ATM: variants seen among roughly 807,000 people sequenced by gnomAD.
The protein encoded by ATM is serine-protein kinase ATM.
Under a neutral mutation model 387.0 loss-of-function variants are expected in ATM, and 308 were observed. The observed-to-expected ratio is 0.80, with a 90% CI of 0.73 to 0.87. The LOEUF (loss-of-function observed/expected upper bound fraction) is 0.87. Ranked by LOEUF, ATM falls within the 40% of genes least tolerant of loss-of-function variation. ATM has a pLI of 0.00. For missense variants in ATM, 3,312 were observed against 3,560.9 expected (o/e 0.93, Z 1.78); for synonymous variants, 1,156 against 1,187.3 (o/e 0.97, Z 0.54).
chr11:108,233,406 C>CA (rs1252275098), intron 4 of ATM, among the ~76,000 whole-genome samples: 1 of 151,612 alleles, frequency 6.6e-6, no homozygotes, highest in Non-Finnish European at 1.5e-5. Context: ...CTCATCTCTA[C>CA]AAAAACACAA....
chr11:108,331,864 G>C lies in ATM; in HGVS notation c.7630-15G>C, dbSNP rs773603597. 2.5e-6 allele frequency: 4 copies of C among 1,612,098 alleles called. No homozygotes were observed. The highest frequency in any genetic ancestry group is 3.4e-6 in the Non-Finnish European group (4 of 1,178,512). ...TTTGTTTATTTGCATAAATCTAATA[G>C]TTCTTTTCTTACAGCTAATCTCTAG... On this transcript the variant is annotated splice_polypyrimidine_tract_variant and intron_variant, in intron 51 of 62. Coordinates refer to ENST00000675843, the MANE Select transcript of ATM (RefSeq NM_000051.4).
Position 108,251,993 on chromosome 11 carries a change from C to T in ATM, c.1764C>T (p.Asp588=). The change falls in exon 11 of 63, where the codon GAC becomes GAT. Residue 588 remains aspartate, a synonymous_variant. Transcript: ENST00000675843. ...KWLLFYQLEG[D]LENSTEVPPI... is the part of the protein sequence containing the mutation. ...TCTTATTCTATCAGTTAGAGGGTGACTTAGAAAATAGCACAGAAGTGCCTC... is the reference window on the plus strand; with the variant it reads ...TCTTATTCTATCAGTTAGAGGGTGATTTAGAAAATAGCACAGAAGTGCCTC... 1 of 1,613,376 alleles carries T rather than the reference C, an allele frequency of 6.2e-7. No homozygotes were observed. Among genetic ancestry groups the T allele is most frequent in the South Asian group, 1.1e-5 (1 of 91,018 alleles).
At chr11:108,327,492 A>G in intron 47 of ATM, 153 bp from the exon 48 acceptor site, 1 of 619,398 alleles carries the variant, frequency 1.6e-6, no homozygotes, top group Non-Finnish European at 2.9e-6. Flanking sequence ...TTATTAAAAT[A>G]GTTGTATGGC....
At chr11:108,364,681 C>T (rs1235402166) in intron 61 of ATM, among the ~76,000 whole-genome samples, 2 of 152,192 alleles carry the variant, frequency 1.3e-5, no homozygotes, top group African/African-American at 4.8e-5. Flanking sequence ...CTTGCTGGTG[C>T]TCTCCAGTTC....
At chr11:108,227,345 G>A in intron 1 of ATM, 1 of 386,102 alleles carries the variant, frequency 2.6e-6, no homozygotes, top group Non-Finnish European at 4.7e-6. Flanking sequence ...TGCTACTACT[G>A]CAAGCAAGGC....
intron 6 of ATM, 96 bp from the exon 7 acceptor site, chr11:108,244,692 G>GTTTTTTTTTTTTTTTTTTTTTTT: frequency 1.0e-6 from 1 of 956,006 alleles, no homozygotes; most frequent in Non-Finnish European, 1.6e-6. Context: ...TTAGGGTTTT[G>GTTTTTTTTTTTTTTTTTTTTTTT]TTTTTTTTTC....
At chr11:108,351,518 G>A (rs925976812) in intron 59 of ATM, among the ~76,000 whole-genome samples, 5 of 152,190 alleles carry the variant, frequency 3.3e-5, no homozygotes, top group African/African-American at 1.2e-4. Flanking sequence ...GATCTCTCAT[G>A]CAGCTGCAGT....
intron 26 of ATM, among the ~76,000 whole-genome samples, chr11:108,285,249 C>T (rs1009553298): frequency 6.6e-6 from 1 of 152,034 alleles, no homozygotes; most frequent in Non-Finnish European, 1.5e-5. Flanking sequence ...TGTAAGCCAC[C>T]TTGCCAGACC....
In ATM at chr11:108,272,754, T is replaced by C; in HGVS notation, c.3186T>C (p.Asn1062=). The C allele has an allele frequency of 6.2e-7, 1 of 1,614,076 alleles. No individual in the cohort carries two copies. The highest frequency in any genetic ancestry group is 1.1e-5 in the South Asian group (1 of 91,078). The change falls in exon 22 of 63, where the codon AAT becomes AAC. Residue 1062 remains asparagine (N), a synonymous_variant. Coordinates refer to ENST00000675843, the MANE Select transcript of ATM (RefSeq NM_000051.4). ...ADPYSKWAIL[N]VMGKDFPVNE... ...CTTATTCAAAATGGGCCATTCTTAA[T>C]GTAATGGGAAAAGACTTTCCTGTAA...
rs571626831 is a variant in ATM, at chr11:108,267,420, C to T, written c.2638+78C>T. The T allele has an allele frequency of 4.4e-4, 575 of 1,306,118 alleles. 6 individuals are homozygous for T. The East Asian group carries it at 0.012, about 28-fold the overall frequency. 80.9% of individuals were successfully genotyped at this position (1,306,118 alleles called of 1,614,324 possible). ...GCAGTATAAGAGGCCTCATTGATATCAATTTTGTGCTTATTTCATTTTCTC... is the reference window on the plus strand; with the variant it reads ...GCAGTATAAGAGGCCTCATTGATATTAATTTTGTGCTTATTTCATTTTCTC... On this transcript the variant is annotated intron_variant, in intron 17 of 62. Coordinates refer to ENST00000675843, the MANE Select transcript of ATM (RefSeq NM_000051.4).
intron 46 of ATM, among the ~76,000 whole-genome samples, 193 bp from the exon 47 acceptor site, chr11:108,325,865 G>C (rs1043882163): frequency 1.3e-5 from 2 of 152,096 alleles, no homozygotes; most frequent in African/African-American, 2.4e-5. Flanking sequence ...CATATAGAGA[G>C]AGACAGACAG....
chr11:108,249,185 C>A, intron 9 of ATM, 83 bp downstream of exon 9: 1 of 1,478,244 alleles, frequency 6.8e-7, no homozygotes, highest in Non-Finnish European at 9.4e-7. Flanking sequence ...GGAATCCTTT[C>A]ATCTCAACCA....
chr11:108,304,342 C>T (rs1349191260), intron 36 of ATM, among the ~76,000 whole-genome samples: 1 of 152,178 alleles, frequency 6.6e-6, no homozygotes, highest in Admixed American at 6.5e-5. Context: ...TAACGCTTTT[C>T]AACTCTGAAA....
In ATM at chr11:108,259,004, G is replaced by T. The variant is rs1591551217; in HGVS notation, c.2395G>T (p.Ala799Ser). 6.2e-7 allele frequency: 1 copy of T among 1,613,670 alleles called. No homozygotes were observed. ...ATTGCAGAAGAGTCCAAATAAGATT[G>T]CATCTGGCTTTTTCCTGCGATTGTT... Reference protein sequence around the residue: ...NCTKKSPNKIASGFFLRLLTS... With the variant: ...NCTKKSPNKISSGFFLRLLTS... The change falls in exon 16 of 63, where the codon GCA becomes TCA. Residue 799 changes from alanine (A) to serine (S), a missense_variant. By Grantham distance (99) the Ala-to-Ser change is moderately conservative. Around this residue, in one of 4 missense-constraint regions of ATM, gnomAD observed 1,791 missense variants for 1,804.5 expected, o/e 0.99. Coordinates refer to ENST00000675843, the MANE Select transcript of ATM (RefSeq NM_000051.4).
chr11:108,304,632 A>G, intron 36 of ATM, 43 bp from the exon 37 acceptor site: 1 of 1,586,862 alleles, frequency 6.3e-7, no homozygotes, highest in South Asian at 1.1e-5. Context: ...AATTTTACTC[A>G]TTTTTACTCA....
At position 108,267,150 on chromosome 11, in the gene ATM, CTTTG is replaced by C; in HGVS notation, c.2467-17_2467-14del. 5 of 1,613,132 alleles carry C rather than the reference CTTTG, an allele frequency of 3.1e-6. No homozygotes were observed. Among genetic ancestry groups the C allele is most frequent in the Non-Finnish European group, 4.2e-6 (5 of 1,179,496 alleles). ...TCCTGCAAGAAGCCATCTTGAACATCTTTGTTTCTCTTCCTTGAAGGCATCCTTC... is the reference window on the plus strand; with the variant it reads ...TCCTGCAAGAAGCCATCTTGAACATCTTTCTCTTCCTTGAAGGCATCCTTC... On this transcript the variant is annotated splice_polypyrimidine_tract_variant and intron_variant, in intron 16 of 62. Transcript: ENST00000675843.
At chr11:108,231,752 T>C (rs1446618486) in intron 4 of ATM, among the ~76,000 whole-genome samples, 1 of 151,274 alleles carries the variant, frequency 6.6e-6, no homozygotes, top group African/African-American at 2.4e-5. Context: ...GGTAAATATT[T>C]AGTAGAAGTA....
At chr11:108,285,827 C>T (rs1161937550) in intron 26 of ATM, among the ~76,000 whole-genome samples, 1 of 152,082 alleles carries the variant, frequency 6.6e-6, no homozygotes, top group African/African-American at 2.4e-5. Context: ...CTAGCCACTC[C>T]CATTCAATCT....
At position 108,271,087 on chromosome 11, in the gene ATM, T is replaced by C. The variant is rs1426256662; in HGVS notation, c.2862T>C (p.Leu954=). Residue 954 remains leucine, a synonymous_variant, in exon 19 of 63, where the codon CTT becomes CTC. Transcript: ENST00000675843. The part of the protein sequence containing the change: ...LHMYLMLLKE[L]PGEEYPLPME... Reference sequence around the variant, plus strand: ...AGTATCTAATGCTTTTAAAGGAGCTTCCTGGAGAAGAGTACCCCTTGCCAA... The same window carrying C: ...AGTATCTAATGCTTTTAAAGGAGCTCCCTGGAGAAGAGTACCCCTTGCCAA... 1 of 1,614,010 alleles carries C rather than the reference T, an allele frequency of 6.2e-7. No individual in the cohort carries two copies. Among genetic ancestry groups the C allele is most frequent in the East Asian group, 2.2e-5 (1 of 44,884 alleles).
Sources: allele counts gnomAD v4.1 joint callset (sites outside exome capture counted in the v4.1 genomes callset), GRCh38; gene constraint gnomAD v4.1.1; regional missense constraint gnomAD v4.1.1; transcripts MANE v1.5; gene names NCBI Gene and HGNC (gene_info 2026-07-23, HGNC 2026-07-21).